PPFIA1: variants seen among roughly 807,000 people sequenced by gnomAD.
PPFIA1 encodes liprin-alpha-1.
PPFIA1 carries 25 observed loss-of-function variants against 149.9 expected under a neutral mutation model. The ratio of observed to expected loss-of-function variants is 0.17; its 90% CI spans 0.12 to 0.23. The LOEUF (loss-of-function observed/expected upper bound fraction) is 0.23. PPFIA1 is among the 10% of genes least tolerant of loss of function. The probability of loss-of-function intolerance (pLI) is 1.00; values close to 1 mark genes in which losing one functional copy is unlikely to be tolerated. For missense variants in PPFIA1, 1,362 were observed against 1,506.5 expected (o/e 0.90, Z 1.59); for synonymous variants, 549 against 552.8 (o/e 0.99, Z 0.10).
Position 70,372,531 on chromosome 11 carries a change from A to C in PPFIA1, c.3096A>C (p.Lys1032Asn), listed in dbSNP as rs139875810. Residue 1032 changes from lysine to asparagine, a missense_variant, in exon 23 of 28, where the codon AAA (lysine) becomes AAC (asparagine). Lys to Asn is a moderately conservative substitution (Grantham distance 94, BLOSUM62 0). This residue lies in a region of PPFIA1 where 349 missense variants were observed against 373.3 expected (regional missense o/e 0.93). Transcript: ENST00000253925. ...TGAGAAGGTTAAATTATGACCGGAA[A>C]GAACTGGAAAGAAAAAGAGAAGAAA... The part of the protein sequence containing the change: ...MCLRRLNYDR[K>N]ELERKREESQ... 2.8e-5 allele frequency: 45 copies of C among 1,613,724 alleles called. 2 individuals carry two copies. In the African/African-American group the frequency reaches 3.6e-4, roughly 13 times the overall value.
intron 14 of PPFIA1, 46 bp downstream of exon 14, chr11:70,339,352 A>G (rs1165139919): frequency 3.2e-6 from 5 of 1,576,782 alleles, no homozygotes; most frequent in African/African-American, 1.4e-5. Context: ...AAAGTTACCT[A>G]CTTATCCCGT....
At chr11:70,278,188 C>T (rs1024436816) in intron 2 of PPFIA1, among the ~76,000 whole-genome samples, 2 of 150,998 alleles carry the variant, frequency 1.3e-5, no homozygotes, top group Non-Finnish European at 2.9e-5. Context: ...GGATTACAGG[C>T]GTGAGCCACC....
chr11:70,337,167 T>C (rs2055029602), intron 11 of PPFIA1, among the ~76,000 whole-genome samples, 198 bp from the exon 12 acceptor site: 1 of 151,844 alleles, frequency 6.6e-6, no homozygotes, highest in Non-Finnish European at 1.5e-5. Context: ...TGGTGAGGAG[T>C]AGATATATTA....
At chr11:70,299,013 C>T (rs533224730) in intron 2 of PPFIA1, among the ~76,000 whole-genome samples, 2 of 152,016 alleles carry the variant, frequency 1.3e-5, no homozygotes, top group African/African-American at 4.8e-5. Context: ...CTGAGGCAGG[C>T]GGATCACTTG....
chr11:70,275,818 A>C (rs565246571), intron 2 of PPFIA1, among the ~76,000 whole-genome samples: 1 of 152,214 alleles, frequency 6.6e-6, no homozygotes, highest in Admixed American at 6.5e-5. Flanking sequence ...GTCTGTCTTG[A>C]GATCTGGTAA....
chr11:70,324,574 C>A (rs572376232), intron 3 of PPFIA1, 71 bp downstream of exon 3: 2 of 1,288,908 alleles, frequency 1.6e-6, no homozygotes, highest in African/African-American at 1.5e-5. Context: ...TGTGTCAAAA[C>A]GAAAGGACGA....
intron 11 of PPFIA1, among the ~76,000 whole-genome samples, chr11:70,336,895 C>T (rs1287124441): frequency 2.6e-5 from 4 of 152,200 alleles, no homozygotes; most frequent in East Asian, 3.9e-4. Context: ...TTGCATGACA[C>T]GTTTATTTAC....
chr11:70,305,042 G>A (rs893759195), intron 2 of PPFIA1, among the ~76,000 whole-genome samples: 3 of 152,222 alleles, frequency 2.0e-5, no homozygotes, highest in East Asian at 3.9e-4. Context: ...CATGACCACC[G>A]TGTTCCAGAG....
chr11:70,335,186 A>C (rs1591258832), intron 10 of PPFIA1, among the ~76,000 whole-genome samples: 2 of 152,132 alleles, frequency 1.3e-5, no homozygotes, highest in African/African-American at 4.8e-5. Flanking sequence ...TTCCTCCCCA[A>C]ATCCAGACCC....
intron 2 of PPFIA1, among the ~76,000 whole-genome samples, chr11:70,290,755 A>G (rs1333676424): frequency 6.6e-6 from 1 of 152,188 alleles, no homozygotes; most frequent in Non-Finnish European, 1.5e-5. Flanking sequence ...CCTCCTGCCT[A>G]TGTAGTTTTA....
chr11:70,276,951 C>T (rs1002563728), intron 2 of PPFIA1, among the ~76,000 whole-genome samples: 14 of 145,618 alleles, frequency 9.6e-5, no homozygotes, highest in African/African-American at 2.8e-4. Flanking sequence ...GACCAACTTT[C>T]GGCTTTACAT....
Position 70,324,461 on chromosome 11 carries a change from A to G in PPFIA1, c.324A>G (p.Glu108=), listed in dbSNP as rs760849319. 1.2e-6 allele frequency: 2 copies of G among 1,613,888 alleles called. No homozygotes were observed. The highest frequency in any genetic ancestry group is 2.2e-5 in the South Asian group (2 of 91,084). The part of the protein sequence containing the change: ...NVCREQLLER[E]EEIAELKAER... ...GCAGGGAACAGCTCCTTGAAAGGGA[A>G]GAAGAAATTGCTGAACTGAAAGCAG... The change falls in exon 3 of 28, where the codon GAA becomes GAG. Residue 108 remains glutamate, a synonymous_variant. Coordinates refer to ENST00000253925, the MANE Select transcript of PPFIA1 (RefSeq NM_003626.5).
chr11:70,362,626 A>G lies in PPFIA1; in HGVS notation c.2865+138A>G, dbSNP rs972768600. The G allele has an allele frequency of 1.1e-5, 9 of 808,768 alleles. No individual in the cohort carries two copies. In the South Asian group the frequency reaches 2.1e-4, roughly 19 times the overall value. The allele number at this position is 808,768 out of a possible 1,614,324, so 50.1% of individuals were successfully genotyped here. On this transcript the variant is annotated intron_variant, in intron 21 of 27. Coordinates refer to ENST00000253925, the MANE Select transcript of PPFIA1 (RefSeq NM_003626.5). ...TTCTAATTCAAAATTTTAGCATCAC[A>G]TACATTAGAACTTTTAATTTTGGGG...
intron 21 of PPFIA1, among the ~76,000 whole-genome samples, chr11:70,369,913 C>G (rs1321908010): frequency 2.0e-5 from 3 of 151,542 alleles, no homozygotes; most frequent in African/African-American, 7.3e-5. Context: ...CTGAAGTTAC[C>G]GACATGGCCA....
At chr11:70,332,186 G>A in intron 9 of PPFIA1, 92 bp downstream of exon 9, 1 of 1,423,044 alleles carries the variant, frequency 7.0e-7, no homozygotes, top group Non-Finnish European at 9.3e-7. Flanking sequence ...TATTACATCA[G>A]CACCTAAATC....
At chr11:70,320,797 A>G (rs906709365) in intron 2 of PPFIA1, among the ~76,000 whole-genome samples, 30 of 152,156 alleles carry the variant, frequency 2.0e-4, no homozygotes, top group Admixed American at 3.3e-4. Flanking sequence ...ATTCTCTGCT[A>G]TACAGATTGG....
rs1003371104 is a variant in PPFIA1 at position 70,348,514 on chromosome 11, A to C, written c.2163+94A>C. On this transcript the variant is annotated intron_variant, in intron 16 of 27. Transcript: ENST00000253925. The stretch of plus-strand genomic sequence containing the variant: ...ATCTACCCACAAGAAAATCAAGTAC[A>C]TTCGTTATTCTAAGAGGTTCAAGAT... 1.3e-5 allele frequency: 13 copies of C among 1,023,662 alleles called. No individual in the cohort carries two copies. In the East Asian group the frequency reaches 2.2e-4, roughly 17 times the overall value. The allele number at this position is 1,023,662 out of a possible 1,614,324, so 63.4% of individuals were successfully genotyped here.
In PPFIA1 at chr11:70,283,178, T is replaced by C. The variant is rs138809213; in HGVS notation, c.264+10742T>C. ...CTTTTTTTTTTTTTTAAAGCAAATA[T>C]TGCCTTTGGGCTTCTCTCTAATTTC... On this transcript the variant is annotated intron_variant, in intron 2 of 27. Transcript: ENST00000253925. 6.4e-4 allele frequency among the ~76,000 whole-genome samples: 97 copies of C among 152,138 alleles called. 1 individual carries two copies. The highest frequency in any genetic ancestry group is 2.3e-3 in the African/African-American group (94 of 41,522).
intron 2 of PPFIA1, among the ~76,000 whole-genome samples, chr11:70,308,198 G>C (rs1280989281): frequency 6.6e-6 from 1 of 152,188 alleles, no homozygotes; most frequent in Admixed American, 6.5e-5. Flanking sequence ...ACAGGCATGT[G>C]CCGCCACGGC....
Sources: allele counts gnomAD v4.1 joint callset (sites outside exome capture counted in the v4.1 genomes callset), GRCh38; gene constraint gnomAD v4.1.1; regional missense constraint gnomAD v4.1.1; transcripts MANE v1.5; gene names NCBI Gene and HGNC (gene_info 2026-07-23, HGNC 2026-07-21).